Variants in NEDD9 observed in about 807,000 individuals in gnomAD.
The protein encoded by NEDD9 is neural precursor cell expressed, developmentally down-regulated 9, also known as enhancer of filamentation 1.
A neutral mutation model predicts 76.6 loss-of-function variants in NEDD9; 26 were observed. The ratio of observed to expected loss-of-function variants is 0.34; its 90% CI spans 0.25 to 0.47. The LOEUF (loss-of-function observed/expected upper bound fraction) is 0.47, where lower values mean the gene tolerates loss of function less well. Among genes scored for constraint, NEDD9 ranks in the 20% least tolerant of loss-of-function variants. The pLI, the probability that NEDD9 is intolerant of heterozygous loss-of-function variation, is 1.00. For synonymous variants in NEDD9, 392 were observed against 414.2 expected, an observed-to-expected ratio of 0.95 and a Z score of 0.65; for missense variants, 937 against 1,058.5, an observed-to-expected ratio of 0.89 and a Z score of 1.59.
intron 2 of NEDD9, among the ~76,000 whole-genome samples, chr6:11,315,814 A>G (rs191918622): frequency 3.9e-5 from 6 of 152,364 alleles, no homozygotes; most frequent in African/African-American, 1.4e-4. Context: ...TAGGGCATCC[A>G]AATATGCACC....
intron 2 of NEDD9, among the ~76,000 whole-genome samples, chr6:11,312,732 T>C (rs1186384161): frequency 6.7e-6 from 1 of 149,768 alleles, no homozygotes; most frequent in Non-Finnish European, 1.5e-5. Flanking sequence ...TCTTTGTCTT[T>C]TGAAGATTCA....
At chr6:11,214,311 A>G (rs1225101896) in intron 1 of NEDD9, 2 of 456,572 alleles carry the variant, frequency 4.4e-6, no homozygotes, top group Non-Finnish European at 8.6e-6. Context: ...ATCCACAAGC[A>G]AGGCATGTAG....
At chr6:11,226,326 G>A (rs192643567) in intron 1 of NEDD9, among the ~76,000 whole-genome samples, 3 of 152,134 alleles carry the variant, frequency 2.0e-5, no homozygotes, top group South Asian at 2.1e-4. Context: ...CTAGGAAACC[G>A]TCAGTTACTC....
intron 1 of NEDD9, among the ~76,000 whole-genome samples, chr6:11,362,052 T>C (rs948545610): frequency 1.3e-5 from 2 of 152,326 alleles, no homozygotes; most frequent in East Asian, 3.9e-4. Context: ...CAAATTTATA[T>C]GTTGAAGTCC....
At chr6:11,225,541 G>C (rs759649153) in intron 1 of NEDD9, among the ~76,000 whole-genome samples, 1 of 152,098 alleles carries the variant, frequency 6.6e-6, no homozygotes, top group Non-Finnish European at 1.5e-5. Flanking sequence ...TCACTCTGTC[G>C]CCCAGGCTGG....
intron 1 of NEDD9, 51 bp downstream of exon 1, chr6:11,232,453 G>A (rs775744980): frequency 6.2e-7 from 1 of 1,609,248 alleles, no homozygotes; most frequent in Admixed American, 1.7e-5. Context: ...GCACACACCC[G>A]CAGGCACAGC....
intron 2 of NEDD9, among the ~76,000 whole-genome samples, chr6:11,314,130 C>G (rs1054129313): frequency 6.6e-6 from 1 of 152,120 alleles, no homozygotes; most frequent in East Asian, 1.9e-4. Context: ...TTTCTTGGAC[C>G]ATATGTTGAG....
chr6:11,266,821 C>T (rs1158239107), intron 3 of NEDD9, among the ~76,000 whole-genome samples: 1 of 152,194 alleles, frequency 6.6e-6, no homozygotes, highest in African/African-American at 2.4e-5. Context: ...TATTTGAAGT[C>T]TCTGGAAAAC....
chr6:11,315,524 G>C (rs968213912), intron 2 of NEDD9, among the ~76,000 whole-genome samples: 1 of 152,238 alleles, frequency 6.6e-6, no homozygotes. Context: ...AGAAGAATTT[G>C]TTGGGGATTT....
At chr6:11,348,876 T>G (rs571485267) in intron 1 of NEDD9, among the ~76,000 whole-genome samples, 1 of 152,196 alleles carries the variant, frequency 6.6e-6, no homozygotes, top group Non-Finnish European at 1.5e-5. Flanking sequence ...AAAGATTTCA[T>G]GACAAAGATG....
At chr6:11,200,574 C>A in intron 2 of NEDD9, 2 of 1,078,596 alleles carry the variant, frequency 1.9e-6, no homozygotes, top group Non-Finnish European at 2.3e-6. Flanking sequence ...AGGCTGTTTC[C>A]TTTCAAAATG....
At chr6:11,359,767 A>G (rs1762644400) in intron 1 of NEDD9, among the ~76,000 whole-genome samples, 1 of 152,244 alleles carries the variant, frequency 6.6e-6, no homozygotes, top group Admixed American at 6.5e-5. Flanking sequence ...TTGGTGTCCA[A>G]CCTGCGAACC....
chr6:11,372,325 TG>T (rs1762892638), intron 1 of NEDD9, among the ~76,000 whole-genome samples: 1 of 152,232 alleles, frequency 6.6e-6, no homozygotes, highest in Non-Finnish European at 1.5e-5. Flanking sequence ...TGCAAATGAC[TG>T]GATCTCATTC....
chr6:11,327,095 C>T (rs1021451173), intron 2 of NEDD9, among the ~76,000 whole-genome samples: 1 of 152,164 alleles, frequency 6.6e-6, no homozygotes, highest in African/African-American at 2.4e-5. Flanking sequence ...ACAACAGGAG[C>T]ACATAGGGAC....
chr6:11,274,304 T>C (rs1333646882), intron 3 of NEDD9, among the ~76,000 whole-genome samples: 1 of 152,198 alleles, frequency 6.6e-6, no homozygotes, highest in Non-Finnish European at 1.5e-5. Flanking sequence ...AAGGGTGATG[T>C]GGGCCCCACT....
chr6:11,357,529 A>G (rs968631380), intron 1 of NEDD9, among the ~76,000 whole-genome samples: 1 of 152,252 alleles, frequency 6.6e-6, no homozygotes, highest in African/African-American at 2.4e-5. Context: ...CGCCCAGTCC[A>G]AGTTCTGCAG....
intron 1 of NEDD9, among the ~76,000 whole-genome samples, chr6:11,340,077 T>A (rs1005445541): frequency 3.9e-5 from 6 of 152,222 alleles, no homozygotes; most frequent in African/African-American, 1.4e-4. Context: ...ACAGTCTCTG[T>A]ATCTAATCCA....
Position 11,337,619 on chromosome 6 carries a change from A to G in NEDD9, c.-213-3058T>C, listed in dbSNP as rs145112752. ...TAGTCACTTAGTGCATGCCTGCATTATTTTATGTGTCTTTTCTCCACCTGA... is the reference window on the plus strand; with the variant it reads ...TAGTCACTTAGTGCATGCCTGCATTGTTTTATGTGTCTTTTCTCCACCTGA... On this transcript the variant is annotated intron_variant, in intron 1 of 3. Coordinates refer to the NEDD9 transcript ENST00000397378. Among the ~76,000 whole-genome samples, 615 of 152,256 alleles carry G rather than the reference A, an allele frequency of 4.0e-3. 5 individuals are homozygous for G. Among genetic ancestry groups the G allele is most frequent in the African/African-American group, 0.014 (583 of 41,534 alleles).
intron 3 of NEDD9, among the ~76,000 whole-genome samples, chr6:11,246,424 C>A (rs1347365903): frequency 6.6e-6 from 1 of 152,138 alleles, no homozygotes; most frequent in African/African-American, 2.4e-5. Flanking sequence ...TGAACCATCA[C>A]GACGTGGTCC....
Sources: allele counts gnomAD v4.1 joint callset (sites outside exome capture counted in the v4.1 genomes callset), GRCh38; gene constraint gnomAD v4.1.1; transcripts MANE v1.5; gene names NCBI Gene and HGNC (gene_info 2026-07-23, HGNC 2026-07-21).